RNF180: variants seen among roughly 807,000 people sequenced by gnomAD.
RNF180 encodes the protein ring finger protein 180.
In RNF180, 38 loss-of-function variants were observed where a neutral mutation model predicts 59.2. The ratio of observed to expected loss-of-function variants is 0.64; its 90% confidence interval spans 0.50 to 0.84. The LOEUF (loss-of-function observed/expected upper bound fraction) is 0.84. RNF180 is among the 40% of genes least tolerant of loss of function. The pLI, the probability that RNF180 is intolerant of heterozygous loss-of-function variation, is 0.00. For synonymous variants in RNF180, 262 were observed against 240.3 expected, an observed-to-expected ratio of 1.09 and a Z score of -0.84; for missense variants, 705 against 700.9, an observed-to-expected ratio of 1.01 and a Z score of -0.07.
intron 1 of RNF180, among the ~76,000 whole-genome samples, chr5:64,173,583 C>G (rs1461831780): frequency 4.6e-5 from 7 of 152,260 alleles, no homozygotes; most frequent in African/African-American, 1.7e-4. Flanking sequence ...TTGTACGTAA[C>G]TGCAAGTTCG....
Position 64,172,780 on chromosome 5 carries a change from G to A in RNF180, c.-1+6827G>A, listed in dbSNP as rs186687717. On this transcript the variant is annotated intron_variant, in intron 1 of 7. Transcript: ENST00000389100. ...CTGGAGGGTGTGCTCAAGTCTTGATGGAGCACTTGAGAGAAGTAGGAGGGG... is the reference window on the plus strand; with the variant it reads ...CTGGAGGGTGTGCTCAAGTCTTGATAGAGCACTTGAGAGAAGTAGGAGGGG... 2.6e-4 allele frequency among the ~76,000 whole-genome samples: 39 copies of A among 152,264 alleles called. 1 individual carries two copies. In the East Asian group the frequency reaches 6.6e-3, roughly 26 times the overall value.
intron 5 of RNF180, among the ~76,000 whole-genome samples, chr5:64,273,256 C>A (rs1431812002): frequency 6.6e-6 from 1 of 151,850 alleles, no homozygotes; most frequent in Non-Finnish European, 1.5e-5. Context: ...GGGGAATTGC[C>A]CACCCTTTTC....
chr5:64,302,942 A>G (rs1743234265), intron 5 of RNF180, among the ~76,000 whole-genome samples: 1 of 151,664 alleles, frequency 6.6e-6, no homozygotes, highest in African/African-American at 2.4e-5. Flanking sequence ...TGTGTTTTTA[A>G]CAAACAGAAG....
In RNF180 at chr5:64,202,202, A is replaced by G. The variant is rs148842341; in HGVS notation, c.135+1260A>G. ...CTCCCTCTCACTGATGTCTTTCACC[A>G]TAGTCTAGGTTTGCTTGTTCTTTAC... On this transcript the variant is annotated intron_variant, in intron 2 of 7. Transcript: ENST00000389100. Among the ~76,000 whole-genome samples, 144 of 152,250 alleles carry G rather than the reference A, an allele frequency of 9.5e-4. 4 individuals are homozygous for G. In the East Asian group the frequency reaches 0.027, roughly 28 times the overall value.
intron 1 of RNF180, among the ~76,000 whole-genome samples, chr5:64,182,303 T>C (rs1750641134): frequency 6.6e-6 from 1 of 152,206 alleles, no homozygotes. Flanking sequence ...ACAAAAAATT[T>C]ATTTTAAAGA....
chr5:64,370,523 G>A lies in RNF180; in HGVS notation c.*709G>A, dbSNP rs558636900. On this transcript the variant is annotated 3_prime_UTR_variant, in exon 8 of 8. Transcript: ENST00000389100. ...ATGAAAAATTTACCGACTTTTAGTA[G>A]TCTAAAAGAGCAATGCATGGTCCAA... 3 of 151,796 alleles carry A rather than the reference G, an allele frequency of 2.0e-5. No homozygotes were observed. The highest frequency in any genetic ancestry group is 4.8e-5 in the African/African-American group (2 of 41,518). 9.4% of individuals were successfully genotyped at this position (151,796 alleles called of 1,614,324 possible).
At chr5:64,311,480 T>A (rs1743763546) in intron 5 of RNF180, among the ~76,000 whole-genome samples, 1 of 151,900 alleles carries the variant, frequency 6.6e-6, no homozygotes, top group African/African-American at 2.4e-5. Context: ...GTACATGAAC[T>A]AGAGTGTGGG....
At chr5:64,235,638 C>T (rs1019575170) in intron 5 of RNF180, among the ~76,000 whole-genome samples, 1 of 151,900 alleles carries the variant, frequency 6.6e-6, no homozygotes, top group Non-Finnish European at 1.5e-5. Context: ...TCCTGAATTT[C>T]TATCTAAATT....
At chr5:64,230,906 A>G (rs951702345) in intron 5 of RNF180, among the ~76,000 whole-genome samples, 3 of 152,230 alleles carry the variant, frequency 2.0e-5, no homozygotes, top group African/African-American at 7.2e-5. Context: ...TCTAGGAGGT[A>G]TAATTCATTA....
intron 1 of RNF180, among the ~76,000 whole-genome samples, chr5:64,196,533 C>T (rs937396513): frequency 2.6e-5 from 4 of 151,978 alleles, no homozygotes; most frequent in Admixed American, 6.5e-5. Flanking sequence ...TCTTTTATTT[C>T]GGTATATTGA....
At chr5:64,234,282 T>C (rs1742271511) in intron 5 of RNF180, among the ~76,000 whole-genome samples, 1 of 152,030 alleles carries the variant, frequency 6.6e-6, no homozygotes, top group Non-Finnish European at 1.5e-5. Flanking sequence ...CTGGCCAACA[T>C]GGCGAAACCC....
chr5:64,275,998 C>A (rs1290015463), intron 5 of RNF180, among the ~76,000 whole-genome samples: 1 of 151,940 alleles, frequency 6.6e-6, no homozygotes, highest in Non-Finnish European at 1.5e-5. Flanking sequence ...ATTCTCCCAC[C>A]AATTATAAGC....
At chr5:64,209,394 TAATGA>T (rs879911081) in intron 2 of RNF180, among the ~76,000 whole-genome samples, 11 of 151,978 alleles carry the variant, frequency 7.2e-5, no homozygotes, top group African/African-American at 2.2e-4. Flanking sequence ...TTAAATGAAA[TAATGA>T]AATGTACATA....
At chr5:64,359,598 T>C (rs1486490175) in intron 7 of RNF180, among the ~76,000 whole-genome samples, 1 of 151,920 alleles carries the variant, frequency 6.6e-6, no homozygotes, top group East Asian at 1.9e-4. Context: ...CTGTTCACTC[T>C]GATGGTAGTT....
At chr5:64,369,319 G>T (rs1453675303) in intron 7 of RNF180, among the ~76,000 whole-genome samples, 1 of 151,884 alleles carries the variant, frequency 6.6e-6, no homozygotes, top group African/African-American at 2.4e-5. Context: ...GTGGGGTGGG[G>T]CGAGTGGGAA....
chr5:64,295,885 G>A (rs1234379852), intron 5 of RNF180, among the ~76,000 whole-genome samples: 1 of 152,114 alleles, frequency 6.6e-6, no homozygotes, highest in Non-Finnish European at 1.5e-5. Context: ...GAACACATTG[G>A]TTAAACATAA....
At chr5:64,279,059 T>C (rs1741869450) in intron 5 of RNF180, among the ~76,000 whole-genome samples, 1 of 152,192 alleles carries the variant, frequency 6.6e-6, no homozygotes, top group Non-Finnish European at 1.5e-5. Flanking sequence ...AAGGAGAATG[T>C]ATACTGTTAG....
At chr5:64,182,705 C>A (rs1750667633) in intron 1 of RNF180, among the ~76,000 whole-genome samples, 1 of 152,084 alleles carries the variant, frequency 6.6e-6, no homozygotes, top group African/African-American at 2.4e-5. Context: ...TAAGTGATAG[C>A]AAATTGAGTA....
intron 5 of RNF180, among the ~76,000 whole-genome samples, chr5:64,265,796 T>G (rs1464013018): frequency 6.6e-6 from 1 of 152,182 alleles, no homozygotes; most frequent in Non-Finnish European, 1.5e-5. Context: ...TAGCATTGAA[T>G]CTAAATTACT....
Sources: gnomAD v4.1 joint callset for allele counts (sites outside exome capture counted in the v4.1 genomes callset) on GRCh38, gnomAD v4.1.1 for gene constraint, MANE v1.5 for transcripts, NCBI Gene and HGNC (gene_info 2026-07-23, HGNC 2026-07-21) for gene names.